The following TYW1 variants were observed in gnomAD, a reference collection of about 807,000 sequenced individuals.
TYW1 encodes tRNA-yW synthesizing protein 1 homolog, also known as S-adenosyl-L-methionine-dependent tRNA 4-demethylwyosine synthase TYW1.
TYW1 carries 46 observed loss-of-function variants against 96.2 expected under a neutral mutation model. The observed-to-expected ratio is 0.48, with a 90% CI of 0.38 to 0.61. The LOEUF (loss-of-function observed/expected upper bound fraction) is 0.61. Ranked by LOEUF, TYW1 falls within the 20% of genes least tolerant of loss-of-function variation. The pLI is 0.00. For synonymous variants in TYW1, 274 were observed against 323.0 expected, an observed-to-expected ratio of 0.85 and a Z score of 1.63; for missense variants, 684 against 909.6, an observed-to-expected ratio of 0.75 and a Z score of 3.19.
At chr7:67,009,329 T>G (rs1793709971) in intron 3 of TYW1, among the ~76,000 whole-genome samples, 1 of 152,188 alleles carries the variant, frequency 6.6e-6, no homozygotes, top group East Asian at 1.9e-4. Flanking sequence ...CAAGGCAGAT[T>G]GATCATCCAA....
intron 13 of TYW1, among the ~76,000 whole-genome samples, chr7:67,174,071 G>A (rs1172149176): frequency 6.8e-6 from 1 of 146,026 alleles, no homozygotes; most frequent in Non-Finnish European, 1.5e-5. Context: ...GCACAGTGCT[G>A]GTCTTTTGTT....
At chr7:67,162,523 C>T (rs1226980964) in intron 13 of TYW1, among the ~76,000 whole-genome samples, 2 of 152,068 alleles carry the variant, frequency 1.3e-5, no homozygotes, top group African/African-American at 4.8e-5. Context: ...GCCCTATATT[C>T]CTTTAAAATT....
chr7:67,096,145 T>A (rs1796904738), intron 11 of TYW1, among the ~76,000 whole-genome samples: 2 of 152,274 alleles, frequency 1.3e-5, no homozygotes, highest in South Asian at 4.1e-4. Flanking sequence ...ATCCCAGCAC[T>A]TTGGGAGGCC....
intron 13 of TYW1, among the ~76,000 whole-genome samples, chr7:67,128,255 T>C (rs943349497): frequency 6.6e-6 from 1 of 152,248 alleles, no homozygotes; most frequent in African/African-American, 2.4e-5. Context: ...TCATTTTGCT[T>C]TTCAGTTTTA....
Position 67,049,121 on chromosome 7 carries a change from AT to A in TYW1, c.985-825del, listed in dbSNP as rs1302455386. Among the ~76,000 whole-genome samples the A allele has an allele frequency of 3.3e-5, 5 of 152,234 alleles. No individual in the cohort carries two copies. In the East Asian group the frequency reaches 7.7e-4, roughly 23 times the overall value. ...CAGGGTGGCTTAGAGTACTTTTTTC[AT>A]TTGTTTTTGGGGTTTAGAGATGTAA... is the stretch of plus-strand genomic sequence containing the variant. On this transcript the variant is annotated intron_variant, in intron 7 of 15. Coordinates refer to ENST00000359626, the MANE Select transcript of TYW1 (RefSeq NM_018264.4).
chr7:67,014,518 T>C lies in TYW1; in HGVS notation c.527T>C (p.Val176Ala). ...KTYLKGMRYA[V>A]FGLGNSAYAS... is the part of the protein sequence containing the mutation. ...TACCTGAAGGGTATGAGATATGCGG[T>C]ATTTGGCCTGGGAAATTCTGCCTAT... The change falls in exon 5 of 16, where the codon GTA (valine) becomes GCA (alanine). Residue 176 changes from valine (V) to alanine (A), a missense_variant. Coordinates refer to ENST00000359626, the MANE Select transcript of TYW1 (RefSeq NM_018264.4). 1 of 1,613,596 alleles carries C rather than the reference T, an allele frequency of 6.2e-7. No homozygotes were observed. The highest frequency in any genetic ancestry group is 1.1e-5 in the South Asian group (1 of 90,980).
intron 1 of TYW1, among the ~76,000 whole-genome samples, chr7:66,997,785 C>A (rs1469024556): frequency 6.6e-6 from 1 of 152,028 alleles, no homozygotes; most frequent in Admixed American, 6.6e-5. Context: ...CGCGCCACCA[C>A]GCCCGGCTAA....
At chr7:67,127,768 T>A (rs1286348594) in intron 13 of TYW1, among the ~76,000 whole-genome samples, 4 of 152,162 alleles carry the variant, frequency 2.6e-5, no homozygotes, top group Non-Finnish European at 5.9e-5. Flanking sequence ...TCCCCCAGAT[T>A]CCAGTTGTCT....
At chr7:67,173,796 GA>G (rs1799584852) in intron 13 of TYW1, among the ~76,000 whole-genome samples, 1 of 145,602 alleles carries the variant, frequency 6.9e-6, no homozygotes, top group Admixed American at 6.9e-5. Context: ...ATTAAGTTGA[GA>G]AAATTTTCCT....
At chr7:67,211,191 T>TGTGTGTGTGTG (rs1353587546) in intron 15 of TYW1, among the ~76,000 whole-genome samples, 50 of 141,492 alleles carry the variant, frequency 3.5e-4, no homozygotes, top group African/African-American at 6.2e-4. Flanking sequence ...TGTGTGTGTG[T>TGTGTGTGTGTG]TTTGAGCACT....
intron 10 of TYW1, among the ~76,000 whole-genome samples, chr7:67,071,832 G>T (rs1344400078): frequency 6.6e-6 from 1 of 152,108 alleles, no homozygotes; most frequent in Non-Finnish European, 1.5e-5. Flanking sequence ...GTGTTAGCCA[G>T]ACTGGTCTCA....
intron 13 of TYW1, among the ~76,000 whole-genome samples, chr7:67,121,947 A>G (rs1355116570): frequency 7.0e-6 from 1 of 142,896 alleles, no homozygotes; most frequent in African/African-American, 2.8e-5. Context: ...AGAGTAAAAA[A>G]TGTGTTAACT....
intron 14 of TYW1, among the ~76,000 whole-genome samples, chr7:67,189,128 G>T (rs1800120102): frequency 6.6e-6 from 1 of 152,144 alleles, no homozygotes; most frequent in African/African-American, 2.4e-5. Flanking sequence ...CCTGTGTGCA[G>T]TTTCTCTTTT....
chr7:67,099,626 A>G (rs542107775), intron 12 of TYW1, among the ~76,000 whole-genome samples: 2 of 152,274 alleles, frequency 1.3e-5, no homozygotes, highest in South Asian at 4.1e-4. Flanking sequence ...AGCAGCAGGA[A>G]CCTAGATAGG....
chr7:67,159,975 T>C (rs1386541723), intron 13 of TYW1, among the ~76,000 whole-genome samples: 1 of 129,648 alleles, frequency 7.7e-6, no homozygotes, highest in African/African-American at 3.4e-5. Flanking sequence ...TAATGTTTTG[T>C]ATTTTTTTTA....
intron 13 of TYW1, among the ~76,000 whole-genome samples, chr7:67,166,732 A>G (rs1257499163): frequency 2.6e-5 from 4 of 152,178 alleles, no homozygotes; most frequent in African/African-American, 9.6e-5. Context: ...ATATGTCAAT[A>G]TATGAGTATG....
intron 12 of TYW1, among the ~76,000 whole-genome samples, chr7:67,104,509 C>T (rs1797181768): frequency 6.6e-6 from 1 of 152,184 alleles, no homozygotes; most frequent in South Asian, 2.1e-4. Flanking sequence ...TCCCACCAGG[C>T]CCCTCCTCCA....
chr7:67,162,590 A>G (rs1034183356), intron 13 of TYW1, among the ~76,000 whole-genome samples: 8 of 152,174 alleles, frequency 5.3e-5, no homozygotes, highest in South Asian at 2.1e-4. Flanking sequence ...TATCCTTCTC[A>G]TACCCTGTCT....
chr7:67,202,870 A>T (rs924733550), intron 15 of TYW1, among the ~76,000 whole-genome samples: 2 of 152,366 alleles, frequency 1.3e-5, no homozygotes, highest in African/African-American at 2.4e-5. Flanking sequence ...GCAAAATGGT[A>T]CAGAAAGGTC....
Sources: gnomAD v4.1 joint callset for allele counts (sites outside exome capture counted in the v4.1 genomes callset) on GRCh38, gnomAD v4.1.1 for gene constraint, MANE v1.5 for transcripts, NCBI Gene and HGNC (gene_info 2026-07-23, HGNC 2026-07-21) for gene names.